Variants in COL19A1 observed in about 807,000 individuals in gnomAD.
COL19A1 encodes the protein collagen type XIX alpha 1 chain, also known as collagen alpha-1(XIX) chain.
Under a neutral mutation model 190.2 loss-of-function variants are expected in COL19A1, and 159 were observed. That is an observed-to-expected ratio of 0.84 (90% CI 0.73 to 0.95). The LOEUF is 0.95. Ranked by LOEUF, COL19A1 falls within the 40% of genes least tolerant of loss-of-function variation. The pLI, the probability that COL19A1 is intolerant of heterozygous loss-of-function variation, is 0.00. For missense variants in COL19A1, 1,418 were observed against 1,431.9 expected, an observed-to-expected ratio of 0.99 and a Z score of 0.16; for synonymous variants, 509 against 458.9, an observed-to-expected ratio of 1.11 and a Z score of -1.39.
intron 11 of COL19A1, among the ~76,000 whole-genome samples, chr6:70,004,160 G>T (rs1777463244): frequency 6.6e-6 from 1 of 152,132 alleles, no homozygotes; most frequent in Non-Finnish European, 1.5e-5. Context: ...TGAAATTCTA[G>T]GTTGAAAATC....
intron 9 of COL19A1, among the ~76,000 whole-genome samples, chr6:69,945,058 A>G (rs1230829826): frequency 6.6e-6 from 1 of 151,922 alleles, no homozygotes; most frequent in Non-Finnish European, 1.5e-5. Flanking sequence ...CACCCATTTC[A>G]GAGCTGAAAT....
intron 46 of COL19A1, among the ~76,000 whole-genome samples, chr6:70,186,760 G>T (rs1251199800): frequency 6.6e-6 from 1 of 151,984 alleles, no homozygotes; most frequent in East Asian, 1.9e-4. Flanking sequence ...ACATACAGTA[G>T]TAGACACATT....
chr6:69,960,182 A>G, intron 10 of COL19A1, 142 bp downstream of exon 10: 1 of 812,112 alleles, frequency 1.2e-6, no homozygotes, highest in South Asian at 1.9e-5. Flanking sequence ...CTTTTCAAAG[A>G]GAACTTGTGG....
intron 2 of COL19A1, among the ~76,000 whole-genome samples, chr6:69,882,905 A>G (rs1433053574): frequency 6.6e-6 from 1 of 152,222 alleles, no homozygotes; most frequent in Admixed American, 6.5e-5. Context: ...TGTTTTTAAG[A>G]AATTCTTGTG....
intron 11 of COL19A1, among the ~76,000 whole-genome samples, chr6:70,020,810 G>C (rs1004884897): frequency 6.6e-6 from 1 of 152,082 alleles, no homozygotes; most frequent in Non-Finnish European, 1.5e-5. Flanking sequence ...CTGAGATTAA[G>C]GGACCTTAAG....
chr6:70,147,653 G>T (rs1392071667), intron 27 of COL19A1, among the ~76,000 whole-genome samples: 1 of 152,042 alleles, frequency 6.6e-6, no homozygotes, highest in Admixed American at 6.6e-5. Flanking sequence ...AGCTGTGTGG[G>T]GTTTTTTTTC....
chr6:69,990,405 T>C (rs1776552854), intron 11 of COL19A1, among the ~76,000 whole-genome samples: 1 of 152,118 alleles, frequency 6.6e-6, no homozygotes, highest in African/African-American at 2.4e-5. Context: ...TGTTCAAATT[T>C]CCAATAGTAT....
At chr6:70,181,037 T>C (rs1250298437) in intron 44 of COL19A1, among the ~76,000 whole-genome samples, 1 of 152,240 alleles carries the variant, frequency 6.6e-6, no homozygotes, top group Non-Finnish European at 1.5e-5. Flanking sequence ...GATGTGACAT[T>C]GTAACAATCA....
At chr6:69,972,350 G>T (rs77189926) in intron 11 of COL19A1, among the ~76,000 whole-genome samples, 1 of 151,796 alleles carries the variant, frequency 6.6e-6, no homozygotes, top group African/African-American at 2.4e-5. Context: ...TTGTTTGTCT[G>T]TTTTTCTTTC....
chr6:70,170,458 A>G (rs1765430885), intron 40 of COL19A1, among the ~76,000 whole-genome samples: 1 of 152,186 alleles, frequency 6.6e-6, no homozygotes, highest in Non-Finnish European at 1.5e-5. Flanking sequence ...CTAGAGGAAT[A>G]TTACCCTTAA....
intron 11 of COL19A1, among the ~76,000 whole-genome samples, chr6:70,021,647 A>G (rs1027988495): frequency 6.6e-6 from 1 of 152,040 alleles, no homozygotes; most frequent in Non-Finnish European, 1.5e-5. Flanking sequence ...GTCATATTTG[A>G]CATCCTCTAC....
At chr6:70,019,216 T>C (rs1582695043) in intron 11 of COL19A1, among the ~76,000 whole-genome samples, 1 of 152,156 alleles carries the variant, frequency 6.6e-6, no homozygotes, top group African/African-American at 2.4e-5. Context: ...CTCTGAGCTA[T>C]TGATTTATCA....
chr6:70,193,539 A>G (rs1163848985), intron 48 of COL19A1, among the ~76,000 whole-genome samples: 1 of 152,200 alleles, frequency 6.6e-6, no homozygotes, highest in African/African-American at 2.4e-5. Context: ...CAGCCTGGCC[A>G]GGTCCAGGTG....
intron 40 of COL19A1, among the ~76,000 whole-genome samples, chr6:70,171,280 T>G (rs1333183897): frequency 6.6e-6 from 1 of 152,216 alleles, no homozygotes; most frequent in East Asian, 1.9e-4. Flanking sequence ...AATGCTTTTT[T>G]TGTTCAGAGT....
intron 11 of COL19A1, among the ~76,000 whole-genome samples, chr6:70,008,652 CA>C (rs1777784495): frequency 6.6e-6 from 1 of 151,524 alleles, no homozygotes; most frequent in Admixed American, 6.6e-5. Context: ...TTTCAAAAAT[CA>C]AAAAGGAGGG....
At chr6:69,867,093 C>T (rs1767497991) in intron 1 of COL19A1, among the ~76,000 whole-genome samples, 1 of 141,086 alleles carries the variant, frequency 7.1e-6, no homozygotes. Context: ...CGTTAGAGCG[C>T]TTTTTTTTTT....
intron 14 of COL19A1, among the ~76,000 whole-genome samples, chr6:70,067,494 C>T (rs1452756317): frequency 6.6e-6 from 1 of 152,030 alleles, no homozygotes; most frequent in African/African-American, 2.4e-5. Flanking sequence ...CTGAGTTCAG[C>T]ATTTGATGGG....
intron 7 of COL19A1, among the ~76,000 whole-genome samples, chr6:69,936,516 A>G (rs1267592097): frequency 6.6e-6 from 1 of 152,150 alleles, no homozygotes; most frequent in African/African-American, 2.4e-5. Flanking sequence ...TACTTATCAA[A>G]AAGTTACCTA....
intron 30 of COL19A1, among the ~76,000 whole-genome samples, chr6:70,150,708 C>T (rs1225807120): frequency 6.6e-6 from 1 of 152,138 alleles, no homozygotes; most frequent in East Asian, 1.9e-4. Flanking sequence ...TCCTTTCTAC[C>T]TCCCACAGTG....
Sources: allele counts gnomAD v4.1 joint callset (sites outside exome capture counted in the v4.1 genomes callset), GRCh38; gene constraint gnomAD v4.1.1; transcripts MANE v1.5; gene names NCBI Gene and HGNC (gene_info 2026-07-23, HGNC 2026-07-21).